The following FGGY variants were observed in gnomAD, a reference collection of about 807,000 sequenced individuals.
The protein encoded by FGGY is FGGY carbohydrate kinase domain-containing protein.
FGGY carries 72 observed loss-of-function variants against 71.3 expected under a neutral mutation model. The observed-to-expected ratio is 1.01, with a 90% CI of 0.84 to 1.23. FGGY has a LOEUF of 1.23. Among genes scored for constraint, FGGY ranks in the 50% most tolerant of loss-of-function variants. The probability of loss-of-function intolerance (pLI) is 0.00; values close to 1 mark genes in which losing one functional copy is unlikely to be tolerated. For synonymous variants in FGGY, 251 were observed against 250.3 expected, an observed-to-expected ratio of 1.00 and a Z score of -0.02; for missense variants, 668 against 682.3, an observed-to-expected ratio of 0.98 and a Z score of 0.23.
At chr1:59,549,510 T>C (rs1183429749) in intron 7 of FGGY, among the ~76,000 whole-genome samples, 1 of 152,222 alleles carries the variant, frequency 6.6e-6, no homozygotes, top group East Asian at 1.9e-4. Flanking sequence ...TTCACCTTTC[T>C]GAAATTCAAT....
In FGGY at chr1:59,757,877, C is replaced by T. The variant is rs139881459; in HGVS notation, c.1513-54C>T. 223 of 1,305,764 alleles carry T rather than the reference C, an allele frequency of 1.7e-4. No individual in the cohort carries two copies. The Admixed American group carries it at 1.7e-3, about 10-fold the overall frequency. The allele number at this position is 1,305,764 out of a possible 1,614,324, so 80.9% of individuals were successfully genotyped here. A position where few individuals can be genotyped will look rare whatever the true frequency, so the allele number is the denominator to read the frequency against. Reference sequence around the variant, plus strand: ...AGAATGTTTTGCCTGTGACAAGCCTCGCTTTGGATTTCGCTTTCCAACTCA... The same window carrying T: ...AGAATGTTTTGCCTGTGACAAGCCTTGCTTTGGATTTCGCTTTCCAACTCA... On this transcript the variant is annotated intron_variant, in intron 14 of 15. Coordinates refer to ENST00000303721, the MANE Select transcript of FGGY (RefSeq NM_018291.5).
At chr1:59,514,662 T>G (rs974838846) in intron 7 of FGGY, among the ~76,000 whole-genome samples, 1 of 152,206 alleles carries the variant, frequency 6.6e-6, no homozygotes, top group Non-Finnish European at 1.5e-5. Context: ...GAGGCCGGTC[T>G]TTCCCATGCT....
At chr1:59,558,615 A>T (rs2095732802) in intron 8 of FGGY, among the ~76,000 whole-genome samples, 1 of 152,216 alleles carries the variant, frequency 6.6e-6, no homozygotes, top group Admixed American at 6.5e-5. Flanking sequence ...AGAACTACTG[A>T]TAAGTGTCTA....
intron 7 of FGGY, among the ~76,000 whole-genome samples, chr1:59,528,105 C>T (rs1352102642): frequency 1.3e-5 from 2 of 152,148 alleles, no homozygotes; most frequent in Non-Finnish European, 2.9e-5. Context: ...TAAAAGATAG[C>T]AAGAGGGGCA....
At chr1:59,760,100 A>G (rs1331427309) in intron 15 of FGGY, among the ~76,000 whole-genome samples, 1 of 152,240 alleles carries the variant, frequency 6.6e-6, no homozygotes, top group Non-Finnish European at 1.5e-5. Flanking sequence ...CCTAAAACTC[A>G]ACAACAACAA....
intron 13 of FGGY, 48 bp from the exon 14 acceptor site, chr1:59,673,991 C>T (rs757731736): frequency 6.4e-7 from 1 of 1,563,680 alleles, no homozygotes; most frequent in Non-Finnish European, 8.7e-7. Flanking sequence ...GCTCCTCACA[C>T]TCCCCTGGCT....
chr1:59,415,302 A>G (rs557073465), intron 5 of FGGY, among the ~76,000 whole-genome samples: 1 of 152,356 alleles, frequency 6.6e-6, no homozygotes, highest in South Asian at 2.1e-4. Context: ...TATATAAGAC[A>G]AATAAAACTG....
chr1:59,610,825 T>A (rs1246494218), intron 9 of FGGY, among the ~76,000 whole-genome samples: 1 of 152,228 alleles, frequency 6.6e-6, no homozygotes, highest in African/African-American at 2.4e-5. Context: ...GCTACTGCGC[T>A]TTTACAATGG....
intron 14 of FGGY, among the ~76,000 whole-genome samples, chr1:59,689,092 T>C: frequency 6.6e-6 from 1 of 152,048 alleles, no homozygotes. Flanking sequence ...CCAGGTACCC[T>C]ATCTTCCAGG....
At chr1:59,523,266 G>A (rs2094886461) in intron 7 of FGGY, among the ~76,000 whole-genome samples, 1 of 152,150 alleles carries the variant, frequency 6.6e-6, no homozygotes, top group Non-Finnish European at 1.5e-5. Context: ...GTTTTTCATG[G>A]CACAAAAACT....
intron 1 of FGGY, among the ~76,000 whole-genome samples, chr1:59,314,759 A>G (rs1434988632): frequency 6.6e-6 from 1 of 152,242 alleles, no homozygotes; most frequent in South Asian, 2.1e-4. Context: ...TACCTACTGC[A>G]TACCAAATTT....
intron 4 of FGGY, among the ~76,000 whole-genome samples, chr1:59,368,934 C>A (rs1407865609): frequency 6.6e-6 from 1 of 151,950 alleles, no homozygotes; most frequent in Non-Finnish European, 1.5e-5. Context: ...GGGGAGGAGC[C>A]AAGATGGCTG....
intron 9 of FGGY, among the ~76,000 whole-genome samples, chr1:59,622,741 G>T (rs2096822449): frequency 6.6e-6 from 1 of 152,074 alleles, no homozygotes; most frequent in Non-Finnish European, 1.5e-5. Flanking sequence ...CAGAAAGACT[G>T]TGTATTTCTA....
intron 9 of FGGY, among the ~76,000 whole-genome samples, chr1:59,622,054 C>G (rs2096814591): frequency 6.6e-6 from 1 of 151,880 alleles, no homozygotes; most frequent in Non-Finnish European, 1.5e-5. Flanking sequence ...CAGTCTAAGT[C>G]TCATTCTCAC....
At chr1:59,546,254 A>G (rs1159515073) in intron 7 of FGGY, among the ~76,000 whole-genome samples, 2 of 152,132 alleles carry the variant, frequency 1.3e-5, no homozygotes, top group Non-Finnish European at 2.9e-5. Context: ...GAGACATAGG[A>G]AACTTAAGTG....
At chr1:59,362,964 A>G (rs1311945442) in intron 4 of FGGY, among the ~76,000 whole-genome samples, 2 of 152,208 alleles carry the variant, frequency 1.3e-5, no homozygotes, top group African/African-American at 4.8e-5. Flanking sequence ...TTTACTTGAA[A>G]AATAGTTATT....
chr1:59,615,615 G>A (rs1450686344), intron 9 of FGGY, among the ~76,000 whole-genome samples: 11 of 152,110 alleles, frequency 7.2e-5, no homozygotes. Context: ...AACATCAAAA[G>A]CAACGGCAAC....
chr1:59,426,560 C>A (rs1047796405), intron 5 of FGGY, among the ~76,000 whole-genome samples: 10 of 152,162 alleles, frequency 6.6e-5, no homozygotes, highest in African/African-American at 2.4e-4. Flanking sequence ...ACATTCTTAT[C>A]CAGCCTGGTC....
chr1:59,569,098 CAGCT>C (rs1223544132), intron 8 of FGGY, among the ~76,000 whole-genome samples: 5 of 152,138 alleles, frequency 3.3e-5, no homozygotes, highest in African/African-American at 1.2e-4. Flanking sequence ...AAAATTATGA[CAGCT>C]AGGATTTATT....
Sources: gnomAD v4.1 joint callset for allele counts (sites outside exome capture counted in the v4.1 genomes callset) on GRCh38, gnomAD v4.1.1 for gene constraint, MANE v1.5 for transcripts, NCBI Gene and HGNC (gene_info 2026-07-23, HGNC 2026-07-21) for gene names.